The following XRCC4 variants were observed in gnomAD, a reference collection of about 807,000 sequenced individuals.
XRCC4 encodes X-ray repair cross complementing 4.
A neutral mutation model predicts 39.1 loss-of-function variants in XRCC4; 28 were observed. The ratio of observed to expected loss-of-function variants is 0.72; its 90% confidence interval spans 0.53 to 0.98. XRCC4 has a LOEUF of 0.98. XRCC4 is among the 50% of genes least tolerant of loss of function. The pLI, the probability that XRCC4 is intolerant of heterozygous loss-of-function variation, is 0.00. For missense variants in XRCC4, 350 were observed against 376.4 expected (o/e 0.93, Z 0.58); for synonymous variants, 123 against 126.4 (o/e 0.97, Z 0.18).
intron 7 of XRCC4, among the ~76,000 whole-genome samples, chr5:83,291,206 C>T (rs1336692838): frequency 2.0e-5 from 3 of 151,724 alleles, no homozygotes; most frequent in Non-Finnish European, 4.4e-5. Flanking sequence ...AGTTTAAAGA[C>T]ATATTCTAAG....
At chr5:83,356,737 C>G, downstream of XRCC4, 1 of 453,848 alleles carries the variant, frequency 2.2e-6, no homozygotes, top group Non-Finnish European at 4.4e-6. Flanking sequence ...ATACTCTAAA[C>G]ATTGTTGCAG....
In XRCC4 at chr5:83,188,427, A is replaced by G. The variant is rs115334668; in HGVS notation, c.316-7343A>G. Reference sequence around the variant, plus strand: ...GAGGGTGTTTTTGGATGAAATTAATATTCAAATCAATGGATTTTAAGTAAA... The same window carrying G: ...GAGGGTGTTTTTGGATGAAATTAATGTTCAAATCAATGGATTTTAAGTAAA... On this transcript the variant is annotated intron_variant, in intron 3 of 7. Coordinates refer to ENST00000396027, the MANE Select transcript of XRCC4 (RefSeq NM_003401.5). 5.7e-3 allele frequency among the ~76,000 whole-genome samples: 864 copies of G among 152,310 alleles called. 2 individuals carry two copies. Among genetic ancestry groups the G allele is most frequent in the Non-Finnish European group, 8.3e-3 (566 of 68,030 alleles).
At chr5:83,208,572 A>G (rs1751509032) in intron 6 of XRCC4, among the ~76,000 whole-genome samples, 1 of 151,966 alleles carries the variant, frequency 6.6e-6, no homozygotes, top group Admixed American at 6.6e-5. Context: ...CTAAATTTTC[A>G]TATTTTCCCA....
chr5:83,090,347 G>GA (rs1370164150), intron 1 of XRCC4, among the ~76,000 whole-genome samples: 1 of 137,796 alleles, frequency 7.3e-6, no homozygotes, highest in Non-Finnish European at 1.5e-5. Context: ...GTGGGGTTGG[G>GA]GGGGGCTCCC....
At chr5:83,327,533 A>G (rs1468767224) in intron 7 of XRCC4, among the ~76,000 whole-genome samples, 1 of 151,942 alleles carries the variant, frequency 6.6e-6, no homozygotes, top group Non-Finnish European at 1.5e-5. Context: ...ATATGGGGTG[A>G]CAGTTATGTT....
chr5:83,133,802 CCTTG>C (rs150144847), intron 3 of XRCC4, among the ~76,000 whole-genome samples: 49,985 of 151,850 alleles, frequency 0.33, 8,999 homozygotes, highest in Non-Finnish European at 0.41. Flanking sequence ...TGCAAGCAGC[CCTTG>C]CTTGCTCTTG....
chr5:83,310,308 A>T (rs28360290), intron 7 of XRCC4, among the ~76,000 whole-genome samples: 7,382 of 152,152 alleles, frequency 0.049, 249 homozygotes, highest in South Asian at 0.16. Context: ...GGGAGGCTGG[A>T]TCTACTCCAT....
intron 6 of XRCC4, among the ~76,000 whole-genome samples, chr5:83,258,057 A>C (rs1307135909): frequency 6.6e-6 from 1 of 152,148 alleles, no homozygotes; most frequent in Non-Finnish European, 1.5e-5. Flanking sequence ...GAGCAAGAGG[A>C]GGGATACCAT....
intron 7 of XRCC4, among the ~76,000 whole-genome samples, chr5:83,313,073 TTTTC>T (rs1470812590): frequency 1.1e-5 from 1 of 94,450 alleles, no homozygotes. Flanking sequence ...TTTTCTTTTC[TTTTC>T]TTTCTTTTTT....
chr5:83,272,401 C>CTTTTTATTTTATTTTATTAT (rs1754173026), intron 7 of XRCC4, among the ~76,000 whole-genome samples: 1 of 151,864 alleles, frequency 6.6e-6, no homozygotes, highest in African/African-American at 2.4e-5. Flanking sequence ...GTTGTTACAC[C>CTTTTTATTTTATTTTATTAT]TTTTTATTAT....
intron 1 of XRCC4, among the ~76,000 whole-genome samples, chr5:83,091,303 A>C (rs764297674): frequency 5.1e-4 from 77 of 152,306 alleles, no homozygotes; most frequent in Non-Finnish European, 9.0e-4. Context: ...CATATCTTAC[A>C]TGGTGGCAGG....
At chr5:83,282,511 G>A (rs1754580047) in intron 7 of XRCC4, among the ~76,000 whole-genome samples, 1 of 151,672 alleles carries the variant, frequency 6.6e-6, no homozygotes, top group Non-Finnish European at 1.5e-5. Flanking sequence ...AAGGTTCCAT[G>A]TGAGACTTTG....
At chr5:83,298,812 A>G (rs941814773) in intron 7 of XRCC4, among the ~76,000 whole-genome samples, 4 of 152,076 alleles carry the variant, frequency 2.6e-5, no homozygotes, top group African/African-American at 9.6e-5. Context: ...GACAACAAAC[A>G]GGAGTCTTCT....
chr5:83,196,007 G>A (rs1335627232), intron 4 of XRCC4, 71 bp downstream of exon 4: 1 of 1,422,966 alleles, frequency 7.0e-7, no homozygotes, highest in Non-Finnish European at 9.3e-7. Flanking sequence ...TTAAGTTAAT[G>A]ATTGGTAAAT....
intron 3 of XRCC4, among the ~76,000 whole-genome samples, chr5:83,129,034 T>A (rs1351126359): frequency 5.3e-5 from 8 of 152,256 alleles, no homozygotes; most frequent in East Asian, 1.9e-4. Context: ...AGTGTTTTAG[T>A]CATGAAGTCC....
At chr5:83,304,759 C>T (rs301281) in intron 7 of XRCC4, among the ~76,000 whole-genome samples, 128,152 of 152,138 alleles carry the variant, frequency 0.84, 54,090 homozygotes, top group Admixed American at 0.87. Context: ...GATAAGACTG[C>T]AATCTAATTC....
intron 7 of XRCC4, among the ~76,000 whole-genome samples, chr5:83,305,958 A>ATGTT (rs1314474166): frequency 6.6e-6 from 1 of 152,194 alleles, no homozygotes; most frequent in Non-Finnish European, 1.5e-5. Context: ...GTCACCAAAG[A>ATGTT]TGTTACATTT....
At chr5:83,127,091 G>C (rs956189060) in intron 3 of XRCC4, among the ~76,000 whole-genome samples, 9 of 152,102 alleles carry the variant, frequency 5.9e-5, no homozygotes, top group African/African-American at 1.7e-4. Context: ...TGAGACTCTG[G>C]ACTTTAGACT....
At chr5:83,080,620 C>T (rs1384940224) in intron 1 of XRCC4, among the ~76,000 whole-genome samples, 1 of 152,098 alleles carries the variant, frequency 6.6e-6, no homozygotes, top group Non-Finnish European at 1.5e-5. Flanking sequence ...CTATCCCATT[C>T]AGCCCGGGGC....
Sources: gnomAD v4.1 joint callset for allele counts (sites outside exome capture counted in the v4.1 genomes callset) on GRCh38, gnomAD v4.1.1 for gene constraint, MANE v1.5 for transcripts, NCBI Gene and HGNC (gene_info 2026-07-23, HGNC 2026-07-21) for gene names.